The following CSMD1 variants were observed in gnomAD, a reference collection of about 807,000 sequenced individuals.
CSMD1 encodes the protein CUB and sushi domain-containing protein 1.
Under a neutral mutation model 417.5 loss-of-function variants are expected in CSMD1, and 213 were observed. The observed-to-expected ratio is 0.51, with a 90% CI of 0.46 to 0.57. CSMD1 has a LOEUF of 0.57. CSMD1 is among the 20% of genes least tolerant of loss of function. CSMD1 has a pLI of 0.00. For synonymous variants in CSMD1, 2,862 were observed against 1,736.8 expected (o/e 1.65, Z -16.11); for missense variants, 6,923 against 4,529.7 (o/e 1.53, Z -15.17).
chr8:3,286,964 A>G (rs555343911), intron 25 of CSMD1, among the ~76,000 whole-genome samples: 34 of 152,222 alleles, frequency 2.2e-4, no homozygotes, highest in African/African-American at 7.5e-4. Flanking sequence ...TAGTTCTAAC[A>G]TTTAAGTCTT....
At chr8:4,609,962 A>G (rs1346564421) in intron 2 of CSMD1, among the ~76,000 whole-genome samples, 3 of 152,110 alleles carry the variant, frequency 2.0e-5, no homozygotes, top group Non-Finnish European at 4.4e-5. Context: ...AAACTACCTA[A>G]TTGGTAATTC....
chr8:3,398,232 G>C (rs1170612301), intron 16 of CSMD1, among the ~76,000 whole-genome samples: 1 of 152,166 alleles, frequency 6.6e-6, no homozygotes, highest in Admixed American at 6.6e-5. Flanking sequence ...GCCAATACCA[G>C]TAAGTGGAGA....
At chr8:4,392,442 A>G (rs1430592356) in intron 3 of CSMD1, among the ~76,000 whole-genome samples, 1 of 152,100 alleles carries the variant, frequency 6.6e-6, no homozygotes, top group African/African-American at 2.4e-5. Flanking sequence ...AAGAACGTAA[A>G]CTTTTAAAAG....
rs947090366 is a variant in CSMD1, at chr8:4,524,844, A to C, written c.303-104779T>G. 9.9e-5 allele frequency among the ~76,000 whole-genome samples: 15 copies of C among 152,274 alleles called. No homozygotes were observed. The East Asian group carries it at 2.5e-3, about 26-fold the overall frequency. ...TTTTTTATTTTCAACAATTTATATA[A>C]TAAAAATTGGAATTCATTCTTTTAA... On this transcript the variant is annotated intron_variant, in intron 2 of 69. Transcript: ENST00000635120.
chr8:4,316,518 T>C (rs1379127770), intron 3 of CSMD1, among the ~76,000 whole-genome samples: 1 of 152,154 alleles, frequency 6.6e-6, no homozygotes, highest in Non-Finnish European at 1.5e-5. Context: ...AGAACTATTA[T>C]TCCATAATAG....
At position 3,018,534 on chromosome 8, in the gene CSMD1, G is replaced by A. The variant is rs965194578; in HGVS notation, c.7972C>T (p.His2658Tyr). ...CNTGYTLVGS[H>Y]VRECLANGLW... ...CCATTTGCCAAGCACTCTCTGACAT[G>A]AGACCCCACAAGCGTGTAGCCGGTG... is the stretch of plus-strand genomic sequence containing the variant. Residue 2658 changes from histidine (H) to tyrosine (Y), a missense_variant, in exon 52 of 70, where the codon CAT becomes TAT. His to Tyr is a moderately conservative substitution (Grantham distance 83, BLOSUM62 2). Transcript: ENST00000635120. The A allele has an allele frequency of 2.5e-6, 4 of 1,613,798 alleles. No homozygotes were observed. Among genetic ancestry groups the A allele is most frequent in the Non-Finnish European group, 3.4e-6 (4 of 1,179,850 alleles).
chr8:4,268,760 A>C (rs566373880), intron 3 of CSMD1, among the ~76,000 whole-genome samples: 2 of 152,178 alleles, frequency 1.3e-5, no homozygotes, highest in South Asian at 2.1e-4. Context: ...CTAAAAAAAA[A>C]ACCCACAAAT....
At chr8:3,455,593 C>T (rs1382996470) in intron 12 of CSMD1, among the ~76,000 whole-genome samples, 1 of 152,188 alleles carries the variant, frequency 6.6e-6, no homozygotes, top group African/African-American at 2.4e-5. Context: ...ACCTTGTGTG[C>T]CTGGGTATCA....
rs559350153 is a variant in CSMD1 at position 3,653,051 on chromosome 8, A to G, written c.1010-36254T>C. Among the ~76,000 whole-genome samples, 17 of 152,322 alleles carry G rather than the reference A, an allele frequency of 1.1e-4. No homozygotes were observed. The South Asian group carries it at 3.3e-3, about 30-fold the overall frequency. ...ATAAAAGACACAAATGTTTTCTATC[A>G]GAAAACAGCACTCAGTAAAGACTCA... On this transcript the variant is annotated intron_variant, in intron 7 of 69. Coordinates refer to ENST00000635120, the MANE Select transcript of CSMD1 (RefSeq NM_033225.6).
chr8:4,304,280 C>A (rs912103978), intron 3 of CSMD1, among the ~76,000 whole-genome samples: 1 of 152,030 alleles, frequency 6.6e-6, no homozygotes, highest in Non-Finnish European at 1.5e-5. Context: ...ATTTTATTAA[C>A]GGGTAACATG....
chr8:4,414,229 G>C (rs886160098), intron 3 of CSMD1, among the ~76,000 whole-genome samples: 5 of 152,266 alleles, frequency 3.3e-5, no homozygotes, highest in African/African-American at 1.2e-4. Flanking sequence ...AATCATGCTT[G>C]AGGGATGTGT....
chr8:2,939,286 A>G (rs1801702036), intron 69 of CSMD1, among the ~76,000 whole-genome samples: 1 of 152,228 alleles, frequency 6.6e-6, no homozygotes, highest in South Asian at 2.1e-4. Flanking sequence ...AGCCTTTAGC[A>G]CGGTATGCTT....
At chr8:4,243,005 T>A (rs971498793) in intron 3 of CSMD1, among the ~76,000 whole-genome samples, 1 of 152,168 alleles carries the variant, frequency 6.6e-6, no homozygotes, top group African/African-American at 2.4e-5. Flanking sequence ...CTTGTTAAAA[T>A]GCAAAGGAAA....
At chr8:4,174,214 G>C (rs1161707829) in intron 3 of CSMD1, among the ~76,000 whole-genome samples, 1 of 152,170 alleles carries the variant, frequency 6.6e-6, no homozygotes, top group Non-Finnish European at 1.5e-5. Context: ...CAGCAGCTAT[G>C]TGAGGACACC....
At chr8:4,688,466 C>T (rs770752430) in intron 1 of CSMD1, among the ~76,000 whole-genome samples, 8 of 152,028 alleles carry the variant, frequency 5.3e-5, no homozygotes, top group South Asian at 2.1e-4. Context: ...TGCCAGCAGG[C>T]GTAAGCACTT....
chr8:4,102,485 T>A (rs1022841736), intron 3 of CSMD1, among the ~76,000 whole-genome samples: 10 of 152,138 alleles, frequency 6.6e-5, no homozygotes, highest in African/African-American at 1.7e-4. Flanking sequence ...ATCTGTCACT[T>A]GAGGGGCAGA....
At chr8:3,226,992 C>T (rs1489465597) in intron 27 of CSMD1, among the ~76,000 whole-genome samples, 2 of 152,132 alleles carry the variant, frequency 1.3e-5, no homozygotes, top group African/African-American at 4.8e-5. Flanking sequence ...AACAAGACAT[C>T]ATCACTTTGT....
chr8:3,586,913 C>G (rs768374949), intron 8 of CSMD1, among the ~76,000 whole-genome samples: 5 of 152,162 alleles, frequency 3.3e-5, no homozygotes, highest in Non-Finnish European at 7.3e-5. Flanking sequence ...TATTCTCCTG[C>G]CTCAGCCTCC....
chr8:4,471,357 G>A lies in CSMD1; in HGVS notation c.303-51292C>T, dbSNP rs186819822. ...ACTATATCGCAGCTTATTTCTAGAA[G>A]ACATTGGGTTAGACTATTTCTAATT... On this transcript the variant is annotated intron_variant, in intron 2 of 69. Coordinates refer to ENST00000635120, the MANE Select transcript of CSMD1 (RefSeq NM_033225.6). Among the ~76,000 whole-genome samples, 16 of 152,266 alleles carry A rather than the reference G, an allele frequency of 1.1e-4. No individual in the cohort carries two copies. In the East Asian group the frequency reaches 2.9e-3, roughly 28 times the overall value.
Sources: gnomAD v4.1 joint callset for allele counts (sites outside exome capture counted in the v4.1 genomes callset) on GRCh38, gnomAD v4.1.1 for gene constraint, MANE v1.5 for transcripts, NCBI Gene and HGNC (gene_info 2026-07-23, HGNC 2026-07-21) for gene names.